JAG2: variants seen among roughly 807,000 people sequenced by gnomAD.
JAG2 encodes the protein protein jagged-2.
JAG2 carries 46 observed loss-of-function variants against 141.7 expected under a neutral mutation model. The observed-to-expected ratio is 0.32, with a 90% CI of 0.26 to 0.42. The LOEUF is 0.42. Ranked by LOEUF, JAG2 falls within the 10% of genes least tolerant of loss-of-function variation. JAG2 has a pLI of 1.00. For synonymous variants in JAG2, 862 were observed against 763.5 expected (o/e 1.13, Z -2.13); for missense variants, 1,500 against 1,817.5 (o/e 0.83, Z 3.18).
Position 105,156,001 on chromosome 14 carries a change from G to A in JAG2, c.476-12C>T, listed in dbSNP as rs377684207. The A allele has an allele frequency of 1.6e-4, 261 of 1,600,356 alleles. No homozygotes were observed. The highest frequency in any genetic ancestry group is 2.1e-4 in the Non-Finnish European group (250 of 1,179,020). Reference sequence around the variant, plus strand: ...GATCAGCAGCTCCTCTTGGGGAGGCGGCAGAGTCAGCACAGGCCAGAGAAA... The same window carrying A: ...GATCAGCAGCTCCTCTTGGGGAGGCAGCAGAGTCAGCACAGGCCAGAGAAA... On this transcript the variant is annotated splice_polypyrimidine_tract_variant and intron_variant, in intron 3 of 25. Coordinates refer to ENST00000331782, the MANE Select transcript of JAG2 (RefSeq NM_002226.5).
chr14:105,144,178 A>G (rs1279935180), intron 24 of JAG2, among the ~76,000 whole-genome samples: 1 of 125,920 alleles, frequency 7.9e-6, no homozygotes, highest in Non-Finnish European at 1.7e-5. Context: ...ACCCCCACCT[A>G]TGGGCCACAC....
At position 105,149,264 on chromosome 14, in the gene JAG2, G is replaced by C; in HGVS notation, c.1659C>G (p.Asn553Lys). 1 of 1,612,718 alleles carries C rather than the reference G, an allele frequency of 6.2e-7. No individual in the cohort carries two copies. Among genetic ancestry groups the C allele is most frequent in the Non-Finnish European group, 8.5e-7 (1 of 1,179,980 alleles). Residue 553 changes from asparagine to lysine, a missense_variant, in exon 13 of 26, where the codon AAC becomes AAG. Around this residue, in one of 3 missense-constraint regions of JAG2, gnomAD observed 875 missense variants for 1,202.2 expected, o/e 0.73. Transcript: ENST00000331782. ...AGGCGCAGTAATAGTCACCCTCCAG[G>C]TTATAGCAGCGAGCGCCGTTCCGGC... The part of the protein sequence containing the change: ...SPCRNGARCY[N>K]LEGDYYCACP...
intron 2 of JAG2, among the ~76,000 whole-genome samples, chr14:105,162,661 A>G (rs1888785052): frequency 2.1e-5 from 3 of 146,264 alleles, no homozygotes; most frequent in African/African-American, 2.8e-5. Flanking sequence ...AGGGCACCTT[A>G]AAGCCCAGGA....
Position 105,147,326 on chromosome 14 carries a change from T to C in JAG2, c.2479A>G (p.Asn827Asp). Reference sequence around the variant, plus strand: ...GGGCTGGGGCTGTCTGGCCACTCACTGATGCGGCAGTCAGGCCCCGCGAAG... The same window carrying C: ...GGGCTGGGGCTGTCTGGCCACTCACCGATGCGGCAGTCAGGCCCCGCGAAG... ...PGFAGPDCRI[N>D]IDECQSSPCA... Residue 827 changes from asparagine (N) to aspartate (D), a missense_variant and splice_region_variant, in exon 20 of 26, where the codon AAC becomes GAC. This residue lies in a region of JAG2 where 875 missense variants were observed against 1,202.2 expected (regional missense o/e 0.73). Transcript: ENST00000331782. 1 of 1,554,486 alleles carries C rather than the reference T, an allele frequency of 6.4e-7. No homozygotes were observed. The highest frequency in any genetic ancestry group is 2.4e-5 in the East Asian group (1 of 41,144).
chr14:105,157,851 G>A, intron 2 of JAG2, 88 bp from the exon 3 acceptor site: 8 of 1,225,150 alleles, frequency 6.5e-6, no homozygotes, highest in Non-Finnish European at 9.3e-6. Flanking sequence ...CTCAGACGCT[G>A]CCCCTGGGTC....
In JAG2 at chr14:105,142,501, T is replaced by A. The variant is rs1888086785; in HGVS notation, c.*194A>T. 1.7e-6 allele frequency: 1 copy of A among 587,680 alleles called. No individual in the cohort carries two copies. Among genetic ancestry groups the A allele is most frequent in the Non-Finnish European group, 3.0e-6 (1 of 331,990 alleles). 36.4% of individuals were successfully genotyped at this position (587,680 alleles called of 1,614,324 possible). A position where few individuals can be genotyped will look rare whatever the true frequency, so the allele number is the denominator to read the frequency against. On this transcript the variant is annotated 3_prime_UTR_variant, in exon 26 of 26. Transcript: ENST00000331782. ...TAGCAACTATCCGAGAATACTCCAT[T>A]GTTTTCAGCCTGACAGTTACTGAAT...
rs587596639 is a variant in JAG2 at position 105,166,496 on chromosome 14, C to T, written c.417+1261G>A. On this transcript the variant is annotated intron_variant, in intron 2 of 25. Coordinates refer to ENST00000331782, the MANE Select transcript of JAG2 (RefSeq NM_002226.5). ...CCTTTTCCATCTGGGGGACACTTTC[C>T]CCTCTCTGGGGCCCCCCTGGTCAAG... 3.9e-5 allele frequency among the ~76,000 whole-genome samples: 6 copies of T among 152,362 alleles called. No individual in the cohort carries two copies. The East Asian group carries it at 1.2e-3, about 29-fold the overall frequency.
At chr14:105,156,385 G>A (rs941577713) in intron 3 of JAG2, among the ~76,000 whole-genome samples, 5 of 152,098 alleles carry the variant, frequency 3.3e-5, no homozygotes, top group East Asian at 1.9e-4. Flanking sequence ...CACCTGCGCC[G>A]TGTCCAGCCC....
Position 105,144,933 on chromosome 14 carries a change from G to A in JAG2, c.3081C>T (p.Ala1027=), listed in dbSNP as rs747098727. ...ASSGASAVEV[A]VSFSPARDLP... Reference sequence around the variant, plus strand: ...CTGCTCCCCACTGGGCACTCACCACGGCCACCTCCACAGCACTGGCCCCCG... The same window carrying A: ...CTGCTCCCCACTGGGCACTCACCACAGCCACCTCCACAGCACTGGCCCCCG... Residue 1027 remains alanine (A), a synonymous_variant, in exon 24 of 26, where the codon GCC becomes GCT. Transcript: ENST00000331782. 1.2e-5 allele frequency: 19 copies of A among 1,598,872 alleles called. No individual in the cohort carries two copies. Among genetic ancestry groups the A allele is most frequent in the East Asian group, 2.2e-5 (1 of 44,546 alleles).
chr14:105,143,811 G>T (rs1381057238), intron 24 of JAG2, among the ~76,000 whole-genome samples, 173 bp from the exon 25 acceptor site: 1 of 151,962 alleles, frequency 6.6e-6, no homozygotes, highest in Non-Finnish European at 1.5e-5. Context: ...GAGTAGCGGG[G>T]GGAGGAGTGG....
At chr14:105,164,470 G>T (rs1888851523) in intron 2 of JAG2, among the ~76,000 whole-genome samples, 1 of 152,218 alleles carries the variant, frequency 6.6e-6, no homozygotes, top group Admixed American at 6.5e-5. Context: ...AAGGAGGGGG[G>T]TGGTCCCCAG....
At chr14:105,164,879 T>C (rs1383462908) in intron 2 of JAG2, among the ~76,000 whole-genome samples, 1 of 152,174 alleles carries the variant, frequency 6.6e-6, no homozygotes, top group Non-Finnish European at 1.5e-5. Flanking sequence ...GCCCTTCTGA[T>C]GGCCCAGGAC....
In JAG2 at chr14:105,146,365, G is replaced by A. The variant is rs1363440686; in HGVS notation, c.2709+20C>T. 4.4e-6 allele frequency: 7 copies of A among 1,592,082 alleles called. No homozygotes were observed. The highest frequency in any genetic ancestry group is 2.2e-5 in the East Asian group (1 of 44,808). ...GCACCAGCCTCGGGTAGGGCAGGGCGGCTCACGGGCTGCCCTCACCTTGCT... is the reference window on the plus strand; with the variant it reads ...GCACCAGCCTCGGGTAGGGCAGGGCAGCTCACGGGCTGCCCTCACCTTGCT... On this transcript the variant is annotated intron_variant, in intron 22 of 25. Transcript: ENST00000331782.
rs776629011 is a variant in JAG2 at position 105,142,710 on chromosome 14, G to T, written c.3702C>A (p.Tyr1234Ter). The T allele has an allele frequency of 1.2e-6, 2 of 1,601,894 alleles. No homozygotes were observed. The highest frequency in any genetic ancestry group is 1.7e-6 in the Non-Finnish European group (2 of 1,174,860). Residue 1234 changes from tyrosine (Y) to a stop codon, truncating the protein, a stop_gained, in exon 26 of 26, where the codon TAC becomes TAA. Transcript: ENST00000331782. LOFTEE classifies it high-confidence loss of function. Reference sequence around the variant, plus strand: ...GCAGCCGCCCCTACTCCTTGCCGGCGTAGCGGGCCTCATTGATGCTCCTGA... The same window carrying T: ...GCAGCCGCCCCTACTCCTTGCCGGCTTAGCGGGCCTCATTGATGCTCCTGA... ...RAVRSINEARYAGKE is the reference protein window; with the variant it reads ...RAVRSINEAR
At position 105,168,097 on chromosome 14, in the gene JAG2, G is replaced by A. The variant is rs775197507; in HGVS notation, c.77C>T (p.Pro26Leu). ...LLALWVQAAR[P>L]MGYFELQLSA... Reference sequence around the variant, plus strand: ...CAGCTGCAGCTCGAAATAGCCCATGGGCCGCGCCGCCTAAAAATAAGGCAG... The same window carrying A: ...CAGCTGCAGCTCGAAATAGCCCATGAGCCGCGCCGCCTAAAAATAAGGCAG... Residue 26 changes from proline to leucine, a missense_variant, in exon 2 of 26, where the codon CCC becomes CTC. By Grantham distance (98) the Pro-to-Leu change is moderately conservative (BLOSUM62 -3). Coordinates refer to ENST00000331782, the MANE Select transcript of JAG2 (RefSeq NM_002226.5). 6.4e-7 allele frequency: 1 copy of A among 1,556,908 alleles called. No homozygotes were observed. The highest frequency in any genetic ancestry group is 8.6e-7 in the Non-Finnish European group (1 of 1,161,010).
chr14:105,153,615 TGGG>T (rs780977794), intron 5 of JAG2, among the ~76,000 whole-genome samples: 6 of 151,816 alleles, frequency 4.0e-5, no homozygotes, highest in African/African-American at 1.5e-4. Flanking sequence ...CAGCATCCGG[TGGG>T]GGGGCGTCCT....
At chr14:105,155,434 C>G in intron 5 of JAG2, 128 bp downstream of exon 5, 2 of 1,039,482 alleles carry the variant, frequency 1.9e-6, no homozygotes, top group South Asian at 2.5e-5. Flanking sequence ...GCTCAGGGCC[C>G]GGCTCTCACA....
intron 2 of JAG2, 105 bp from the exon 3 acceptor site, chr14:105,157,868 G>T (rs1704416396): frequency 1.9e-6 from 2 of 1,058,112 alleles, no homozygotes; most frequent in Non-Finnish European, 2.8e-6. Flanking sequence ...GGTCTGCCAG[G>T]CTCTGGCCCT....
At chr14:105,146,019 G>A (rs750759846) in intron 22 of JAG2, 46 bp from the exon 23 acceptor site, 22 of 1,573,358 alleles carry the variant, frequency 1.4e-5, no homozygotes, top group East Asian at 9.3e-5. Context: ...GCACAGGAGG[G>A]TCAGATGCAG....
Sources: allele counts gnomAD v4.1 joint callset (sites outside exome capture counted in the v4.1 genomes callset), GRCh38; gene constraint gnomAD v4.1.1; regional missense constraint gnomAD v4.1.1; transcripts MANE v1.5; gene names NCBI Gene and HGNC (gene_info 2026-07-23, HGNC 2026-07-21).